PAM: variants seen among roughly 807,000 people sequenced by gnomAD.
PAM encodes peptidyl-glycine alpha-amidating monooxygenase.
In PAM, 72 loss-of-function variants were observed where a neutral mutation model predicts 122.1. That is an observed-to-expected ratio of 0.59 (90% CI 0.49 to 0.72). PAM has a LOEUF of 0.72. Among genes scored for constraint, PAM ranks in the 30% least tolerant of loss-of-function variants. The probability of loss-of-function intolerance (pLI) is 0.00; values close to 1 mark genes in which losing one functional copy is unlikely to be tolerated. For synonymous variants in PAM, 389 were observed against 404.4 expected, an observed-to-expected ratio of 0.96 and a Z score of 0.46; for missense variants, 1,106 against 1,183.7, an observed-to-expected ratio of 0.93 and a Z score of 0.96.
chr5:102,844,662 G>A (rs1355679208), intron 1 of PAM, among the ~76,000 whole-genome samples: 2 of 151,838 alleles, frequency 1.3e-5, no homozygotes, highest in African/African-American at 4.8e-5. Context: ...GCAAGACTCT[G>A]TCTCTCTTAA....
chr5:102,984,417 A>G (rs998914208), intron 15 of PAM, among the ~76,000 whole-genome samples: 2 of 152,234 alleles, frequency 1.3e-5, no homozygotes, highest in African/African-American at 4.8e-5. Context: ...ATGAAAAACA[A>G]AAACAAGCAC....
At chr5:102,989,391 C>T (rs926394838) in intron 15 of PAM, among the ~76,000 whole-genome samples, 1 of 152,020 alleles carries the variant, frequency 6.6e-6, no homozygotes, top group African/African-American at 2.4e-5. Context: ...CCTATTGTCC[C>T]AGCTACTCAG....
At chr5:102,776,393 G>C (rs1180302479) in intron 1 of PAM, among the ~76,000 whole-genome samples, 2 of 151,962 alleles carry the variant, frequency 1.3e-5, no homozygotes. Context: ...TGATGTTTTT[G>C]TCATGAAATC....
At chr5:103,001,421 T>A (rs1009939121) in intron 16 of PAM, among the ~76,000 whole-genome samples, 10 of 152,094 alleles carry the variant, frequency 6.6e-5, no homozygotes, top group Non-Finnish European at 8.8e-5. Flanking sequence ...AAATATCTTA[T>A]GAAATCTGTT....
At chr5:102,760,915 A>C (rs1440234414) in intron 1 of PAM, among the ~76,000 whole-genome samples, 1 of 152,250 alleles carries the variant, frequency 6.6e-6, no homozygotes, top group Non-Finnish European at 1.5e-5. Context: ...GAAGTTCTAC[A>C]TATAAACAGC....
rs539528487 is a variant in PAM at position 102,807,498 on chromosome 5, A to G, written c.-374+52150A>G. ...AACCAGAAAACTGTGGCAGTAGTCA[A>G]CAGATACCTTCTGATTTTGTCTGGG... is the stretch of plus-strand genomic sequence containing the variant. On this transcript the variant is annotated intron_variant, in intron 1 of 25. Transcript: ENST00000438793. Among the ~76,000 whole-genome samples the G allele has an allele frequency of 2.3e-3, 345 of 152,322 alleles. 1 individual carries two copies. Among genetic ancestry groups the G allele is most frequent in the Non-Finnish European group, 4.2e-3 (283 of 68,036 alleles).
chr5:102,800,341 T>C (rs1245787139), intron 1 of PAM, among the ~76,000 whole-genome samples: 3 of 152,252 alleles, frequency 2.0e-5, no homozygotes, highest in African/African-American at 4.8e-5. Flanking sequence ...CTCTGTGGTA[T>C]GGTTCTTCAG....
chr5:102,970,472 G>C (rs1012108461), intron 14 of PAM, among the ~76,000 whole-genome samples: 2 of 152,136 alleles, frequency 1.3e-5, no homozygotes, highest in Non-Finnish European at 2.9e-5. Context: ...TGTTATGTTA[G>C]AGGAGAGTCT....
At chr5:102,944,482 G>A (rs377318738) in intron 7 of PAM, among the ~76,000 whole-genome samples, 15 of 152,126 alleles carry the variant, frequency 9.9e-5, no homozygotes, top group Non-Finnish European at 1.5e-4. Context: ...AAGAACAGCC[G>A]TTAGGACTTT....
intron 1 of PAM, among the ~76,000 whole-genome samples, chr5:102,782,444 A>G (rs1759233954): frequency 6.6e-6 from 1 of 152,224 alleles, no homozygotes; most frequent in Admixed American, 6.5e-5. Context: ...GATACAAATA[A>G]TAAATATGAT....
At chr5:102,891,114 T>C (rs1436747309) in intron 3 of PAM, among the ~76,000 whole-genome samples, 3 of 151,926 alleles carry the variant, frequency 2.0e-5, no homozygotes, top group Non-Finnish European at 4.4e-5. Flanking sequence ...TCAAATCCTT[T>C]ATAAAAGGTT....
At chr5:102,967,448 C>T (rs1764437466) in intron 14 of PAM, among the ~76,000 whole-genome samples, 1 of 152,132 alleles carries the variant, frequency 6.6e-6, no homozygotes, top group African/African-American at 2.4e-5. Context: ...TCTGCTAATG[C>T]AGATGCAAGG....
intron 1 of PAM, among the ~76,000 whole-genome samples, chr5:102,862,027 G>A (rs1009366084): frequency 4.6e-5 from 7 of 152,056 alleles, no homozygotes; most frequent in African/African-American, 1.7e-4. Flanking sequence ...AATATTAGCA[G>A]GACATGGTGG....
intron 1 of PAM, among the ~76,000 whole-genome samples, chr5:102,767,062 TG>T (rs1754322115): frequency 6.6e-6 from 1 of 151,002 alleles, no homozygotes; most frequent in Non-Finnish European, 1.5e-5. Context: ...GAAGGCCACA[TG>T]TGGTTTCATG....
chr5:102,830,032 T>C (rs576004241), intron 1 of PAM, among the ~76,000 whole-genome samples: 2 of 152,264 alleles, frequency 1.3e-5, no homozygotes, highest in East Asian at 3.9e-4. Context: ...CACGTATAGA[T>C]GTTTTGGGGG....
intron 2 of PAM, 149 bp downstream of exon 2, chr5:102,866,433 C>T (rs1785584998): frequency 3.2e-6 from 2 of 634,082 alleles, no homozygotes; most frequent in South Asian, 1.8e-5. Flanking sequence ...TGTGAAGTCC[C>T]CCGTGCAGAA....
downstream of PAM, chr5:103,030,343 T>C (rs1421775006): frequency 3.3e-5 from 5 of 152,262 alleles, no homozygotes; most frequent in Non-Finnish European, 5.9e-5. Flanking sequence ...GTCTTTTTCG[T>C]AATTCGTCAA....
chr5:103,006,770 G>C (rs369001140), intron 18 of PAM, 31 bp from the exon 19 acceptor site: 18 of 1,509,042 alleles, frequency 1.2e-5, no homozygotes, highest in African/African-American at 1.1e-4. Flanking sequence ...ACCATGAAAA[G>C]TAGGTAAGGC....
intron 5 of PAM, among the ~76,000 whole-genome samples, chr5:102,920,065 G>A (rs1217075850): frequency 1.3e-5 from 2 of 151,948 alleles, no homozygotes; most frequent in Admixed American, 6.6e-5. Flanking sequence ...CTGTGAAATC[G>A]GAACATCTTG....
Sources: allele counts gnomAD v4.1 joint callset (sites outside exome capture counted in the v4.1 genomes callset), GRCh38; gene constraint gnomAD v4.1.1; transcripts MANE v1.5; gene names NCBI Gene and HGNC (gene_info 2026-07-23, HGNC 2026-07-21).